Variants in KIAA1217 observed in about 807,000 individuals in gnomAD.
The protein encoded by KIAA1217 is KIAA1217, also known as sickle tail protein homolog.
Under a neutral mutation model 163.9 loss-of-function variants are expected in KIAA1217, and 88 were observed. The ratio of observed to expected loss-of-function variants is 0.54; its 90% confidence interval spans 0.45 to 0.64. The LOEUF is 0.64. Among genes scored for constraint, KIAA1217 ranks in the 30% least tolerant of loss-of-function variants. The probability of loss-of-function intolerance (pLI) is 0.00; values close to 1 mark genes in which losing one functional copy is unlikely to be tolerated. For missense variants in KIAA1217, 2,372 were observed against 2,475.0 expected, an observed-to-expected ratio of 0.96 and a Z score of 0.88; for synonymous variants, 903 against 923.1, an observed-to-expected ratio of 0.98 and a Z score of 0.39.
At chr10:23,815,702 A>G (rs1837284675) in intron 1 of KIAA1217, among the ~76,000 whole-genome samples, 1 of 152,188 alleles carries the variant, frequency 6.6e-6, no homozygotes, top group Non-Finnish European at 1.5e-5. Context: ...AGATGACTAC[A>G]TTATTTATCC....
chr10:23,999,479 C>T (rs577445435), intron 1 of KIAA1217, among the ~76,000 whole-genome samples: 4 of 152,252 alleles, frequency 2.6e-5, no homozygotes, highest in Non-Finnish European at 4.4e-5. Context: ...CTACCCTTCG[C>T]GTCATCTTGA....
Position 23,818,345 on chromosome 10 carries a change from TA to T in KIAA1217, c.-321+123118del, listed in dbSNP as rs71472817. ...TATATATATATTTTATATATATATATAAAAAAATATATATATATATATATAT... is the reference window on the plus strand; with the variant it reads ...TATATATATATTTTATATATATATATAAAAAATATATATATATATATATAT... On this transcript the variant is annotated intron_variant, in intron 1 of 18. Coordinates refer to the KIAA1217 transcript ENST00000376462. 1.0e-2 allele frequency among the ~76,000 whole-genome samples: 1,346 copies of T among 134,768 alleles called. 11 individuals are homozygous for T. Among genetic ancestry groups the T allele is most frequent in the Non-Finnish European group, 0.013 (860 of 63,980 alleles). 88.4% of individuals were successfully genotyped at this position (134,768 alleles called of 152,430 possible).
At chr10:24,537,344 G>C (rs570666560) in intron 17 of KIAA1217, among the ~76,000 whole-genome samples, 1 of 152,150 alleles carries the variant, frequency 6.6e-6, no homozygotes, top group East Asian at 1.9e-4. Context: ...GGGAGGCCGA[G>C]GCAGGTGGAT....
At chr10:23,917,718 G>T (rs1451912221) in intron 1 of KIAA1217, among the ~76,000 whole-genome samples, 2 of 152,206 alleles carry the variant, frequency 1.3e-5, no homozygotes. Flanking sequence ...TGTCCAGACA[G>T]CTGTCGCTGA....
At chr10:24,450,454 A>T (rs1393899548) in intron 5 of KIAA1217, among the ~76,000 whole-genome samples, 1 of 152,208 alleles carries the variant, frequency 6.6e-6, no homozygotes, top group Non-Finnish European at 1.5e-5. Flanking sequence ...TTTACTTGAG[A>T]TAACTATTCT....
chr10:23,749,954 G>A (rs1180606693), intron 1 of KIAA1217, among the ~76,000 whole-genome samples: 1 of 152,084 alleles, frequency 6.6e-6, no homozygotes, highest in Non-Finnish European at 1.5e-5. Flanking sequence ...TTTGTCTCCT[G>A]TGTTTTGTTT....
chr10:24,270,441 C>G (rs995156888), intron 2 of KIAA1217, among the ~76,000 whole-genome samples: 9 of 152,252 alleles, frequency 5.9e-5, no homozygotes, highest in Admixed American at 1.3e-4. Flanking sequence ...TCCACTGTCA[C>G]TAAATCACAT....
chr10:23,927,325 G>GGTATGTGT (rs1843065198), intron 1 of KIAA1217, among the ~76,000 whole-genome samples: 1 of 143,000 alleles, frequency 7.0e-6, no homozygotes, highest in African/African-American at 2.6e-5. Flanking sequence ...CAAGTCATAG[G>GGTATGTGT]GTGTGTGTGT....
chr10:24,471,245 C>T (rs1338901495), intron 5 of KIAA1217, among the ~76,000 whole-genome samples: 3 of 152,090 alleles, frequency 2.0e-5, no homozygotes, highest in African/African-American at 7.2e-5. Flanking sequence ...CCTCTTTCCT[C>T]GGGTCCCTCC....
chr10:24,004,716 C>A (rs923323170), intron 1 of KIAA1217, among the ~76,000 whole-genome samples: 4 of 152,272 alleles, frequency 2.6e-5, no homozygotes, highest in Non-Finnish European at 5.9e-5. Context: ...TCATATACAA[C>A]TTTCTCAGGG....
At chr10:23,830,726 A>G (rs1838150383) in intron 1 of KIAA1217, among the ~76,000 whole-genome samples, 1 of 151,868 alleles carries the variant, frequency 6.6e-6, no homozygotes, top group Non-Finnish European at 1.5e-5. Flanking sequence ...AGGTAGATAG[A>G]TAGCTAGATA....
rs763164142 is a variant in KIAA1217 at position 24,433,044 on chromosome 10, G to A, written c.603G>A (p.Pro201=). 15 of 1,613,954 alleles carry A rather than the reference G, an allele frequency of 9.3e-6. No individual in the cohort carries two copies. Among genetic ancestry groups the A allele is most frequent in the Admixed American group, 5.0e-5 (3 of 59,988 alleles). ...YGDETKQLRM[P]NEITSADTIR... is the part of the protein sequence containing the mutation. Reference sequence around the variant, plus strand: ...ATGAAACCAAGCAGCTCAGGATGCCGAATGAAATCACAAGTGCAGACACAA... The same window carrying A: ...ATGAAACCAAGCAGCTCAGGATGCCAAATGAAATCACAAGTGCAGACACAA... Residue 201 remains proline, a synonymous_variant, in exon 4 of 21, where the codon CCG becomes CCA. Coordinates refer to ENST00000376454, the MANE Select transcript of KIAA1217 (RefSeq NM_019590.5).
chr10:24,123,134 T>TTGTGTGTGTG lies in KIAA1217; in HGVS notation c.-170-96473_-170-96464dup, dbSNP rs35526705. ...GTATCTTGGCATTTTTACTGTGTGT[T>TTGTGTGTGTG]TGTGTGTGTGTGTGTGTGTGTGTGT... On this transcript the variant is annotated intron_variant, in intron 2 of 18. Coordinates refer to the KIAA1217 transcript ENST00000376462. Among the ~76,000 whole-genome samples the TTGTGTGTGTG allele has an allele frequency of 6.8e-3, 1,008 of 148,166 alleles. 7 individuals are homozygous for TTGTGTGTGTG. The highest frequency in any genetic ancestry group is 0.02 in the African/African-American group (811 of 40,262).
intron 1 of KIAA1217, among the ~76,000 whole-genome samples, chr10:23,777,904 G>A (rs573551551): frequency 1.3e-5 from 2 of 152,240 alleles, no homozygotes; most frequent in South Asian, 4.2e-4. Context: ...TCTTTAAGAA[G>A]TCACTGACTA....
Position 24,547,047 on chromosome 10 carries a change from T to C in KIAA1217, c.*723T>C, listed in dbSNP as rs1170213280. On this transcript the variant is annotated 3_prime_UTR_variant, in exon 21 of 21. Coordinates refer to ENST00000376454, the MANE Select transcript of KIAA1217 (RefSeq NM_019590.5). Reference sequence around the variant, plus strand: ...TCTTTGCTTGCTTCTTTTCTTTCTTTTTTCCTTCCTTTTTTTTTTTTTTTT... The same window carrying C: ...TCTTTGCTTGCTTCTTTTCTTTCTTCTTTCCTTCCTTTTTTTTTTTTTTTT... 1 of 131,976 alleles carries C rather than the reference T, an allele frequency of 7.6e-6. No individual in the cohort carries two copies. Among genetic ancestry groups the C allele is most frequent in the Non-Finnish European group, 1.6e-5 (1 of 64,396 alleles). 8.2% of individuals were successfully genotyped at this position (131,976 alleles called of 1,614,324 possible).
chr10:24,010,111 G>A (rs1017986279), intron 2 of KIAA1217, among the ~76,000 whole-genome samples: 4 of 151,792 alleles, frequency 2.6e-5, no homozygotes, highest in Non-Finnish European at 5.9e-5. Flanking sequence ...TATTTTAACA[G>A]GAATCATGTT....
chr10:24,070,382 A>G (rs1012103768), intron 2 of KIAA1217, among the ~76,000 whole-genome samples: 7 of 152,226 alleles, frequency 4.6e-5, no homozygotes, highest in South Asian at 2.1e-4. Context: ...ATAAAACCCT[A>G]CACTTAGACA....
At chr10:23,996,412 G>A (rs966858398) in intron 1 of KIAA1217, among the ~76,000 whole-genome samples, 4 of 152,116 alleles carry the variant, frequency 2.6e-5, no homozygotes, top group Admixed American at 6.6e-5. Context: ...GCACTGGGCC[G>A]GTAATTCCTT....
At chr10:23,788,471 G>A (rs1372969443) in intron 1 of KIAA1217, among the ~76,000 whole-genome samples, 5 of 152,140 alleles carry the variant, frequency 3.3e-5, no homozygotes, top group African/African-American at 9.7e-5. Context: ...CAGATGCCCA[G>A]AATTTAGACA....
Sources: allele counts gnomAD v4.1 joint callset (sites outside exome capture counted in the v4.1 genomes callset), GRCh38; gene constraint gnomAD v4.1.1; transcripts MANE v1.5; gene names NCBI Gene and HGNC (gene_info 2026-07-23, HGNC 2026-07-21).